ARB2A: variants seen among roughly 807,000 people sequenced by gnomAD.
ARB2A encodes ARB2 cotranscriptional regulator A.
At chr5:93,895,355 T>C in the ARB2A span, among the ~76,000 whole-genome samples, 1 of 152,310 alleles carries the variant, frequency 6.6e-6, no homozygotes, top group African/African-American at 2.4e-5. Context: ...GCAGTAAGCA[T>C]TTGAAAAGAA....
chr5:93,786,356 CTG>C, the ARB2A span, among the ~76,000 whole-genome samples: 2 of 152,198 alleles, frequency 1.3e-5, no homozygotes, highest in Non-Finnish European at 2.9e-5. Flanking sequence ...TATCTGTAGT[CTG>C]TCTTTCTGGC....
chr5:93,618,410 A>T, the ARB2A span: 1 of 152,130 alleles, frequency 6.6e-6, no homozygotes, highest in East Asian at 1.9e-4. Context: ...TAATTAAAAT[A>T]AAAAGGCCAC....
the ARB2A span, among the ~76,000 whole-genome samples, chr5:94,073,212 T>C: frequency 6.6e-6 from 1 of 152,116 alleles, no homozygotes; most frequent in Non-Finnish European, 1.5e-5. Context: ...TGCTAACTTG[T>C]TCTAAAATAT....
the ARB2A span, among the ~76,000 whole-genome samples, chr5:93,883,924 TACACACACACACACACACACACACACAC>T: frequency 7.5e-6 from 1 of 133,906 alleles, no homozygotes; most frequent in Non-Finnish European, 1.6e-5. Flanking sequence ...CACATACACA[TACACACACACACACACACACACACACAC>T]ACACACACAC....
chr5:93,993,901 C>T, the ARB2A span, among the ~76,000 whole-genome samples: 2 of 151,496 alleles, frequency 1.3e-5, no homozygotes, highest in Admixed American at 6.6e-5. Flanking sequence ...GGTATTTTTT[C>T]TTGTAAATAA....
chr5:93,972,907 C>T, the ARB2A span, among the ~76,000 whole-genome samples: 11 of 122,652 alleles, frequency 9.0e-5, no homozygotes, highest in Non-Finnish European at 1.7e-4. Flanking sequence ...GAGACCTTGT[C>T]TCTTAAAAAA....
At chr5:93,722,915 C>T in the ARB2A span, among the ~76,000 whole-genome samples, 3 of 152,096 alleles carry the variant, frequency 2.0e-5, no homozygotes, top group East Asian at 1.9e-4. Flanking sequence ...GTTCCTCTTA[C>T]AATACATGTT....
the ARB2A span, among the ~76,000 whole-genome samples, chr5:93,937,126 G>C: frequency 6.6e-6 from 1 of 151,712 alleles, no homozygotes; most frequent in East Asian, 1.9e-4. Context: ...GCCCGCCCCT[G>C]CCTCCCAAAG....
chr5:93,935,691 GCACA>G, the ARB2A span, among the ~76,000 whole-genome samples: 4 of 152,090 alleles, frequency 2.6e-5, no homozygotes, highest in Admixed American at 6.5e-5. Flanking sequence ...TCTTCATAAT[GCACA>G]CAAAGTACCA....
the ARB2A span, among the ~76,000 whole-genome samples, chr5:93,937,066 G>A: frequency 6.6e-6 from 1 of 151,310 alleles, no homozygotes; most frequent in Non-Finnish European, 1.5e-5. Context: ...GTAGAGGCAG[G>A]GTTTCACTGT....
chr5:93,845,283 A>G, the ARB2A span, among the ~76,000 whole-genome samples: 2 of 152,196 alleles, frequency 1.3e-5, no homozygotes, highest in Admixed American at 6.5e-5. Flanking sequence ...GTCATAATAA[A>G]CAACATGCTA....
chr5:93,766,045 C>G, the ARB2A span, among the ~76,000 whole-genome samples: 2 of 152,126 alleles, frequency 1.3e-5, no homozygotes, highest in East Asian at 3.9e-4. Context: ...ATTCAAGATG[C>G]ATTAAAGACT....
chr5:93,640,159 C>T, the ARB2A span, among the ~76,000 whole-genome samples: 1 of 150,046 alleles, frequency 6.7e-6, no homozygotes, highest in Admixed American at 6.7e-5. Flanking sequence ...AAATTGTTTG[C>T]AATTGGCCAG....
the ARB2A span, among the ~76,000 whole-genome samples, chr5:93,896,748 C>T: frequency 6.6e-6 from 1 of 151,834 alleles, no homozygotes; most frequent in Non-Finnish European, 1.5e-5. Flanking sequence ...AGTAAAATCC[C>T]AACTATTTTA....
At chr5:93,676,263 T>C in the ARB2A span, among the ~76,000 whole-genome samples, 1 of 152,330 alleles carries the variant, frequency 6.6e-6, no homozygotes, top group Non-Finnish European at 1.5e-5. Context: ...CACAGTGATG[T>C]CATTACAGCA....
At chr5:93,713,199 G>A in the ARB2A span, among the ~76,000 whole-genome samples, 1 of 152,088 alleles carries the variant, frequency 6.6e-6, no homozygotes, top group African/African-American at 2.4e-5. Context: ...AGCAAAAATG[G>A]ACAAATGGTG....
At chr5:93,655,443 A>C in the ARB2A span, among the ~76,000 whole-genome samples, 2 of 152,166 alleles carry the variant, frequency 1.3e-5, no homozygotes, top group South Asian at 4.1e-4. Flanking sequence ...TAACTCTGTC[A>C]CTAAGTATCT....
the ARB2A span, among the ~76,000 whole-genome samples, chr5:93,789,451 T>A: frequency 6.6e-6 from 1 of 152,208 alleles, no homozygotes; most frequent in Admixed American, 6.5e-5. Flanking sequence ...AAATTTCAGA[T>A]TAAGTTGTTT....
chr5:93,966,467 A>G, the ARB2A span, among the ~76,000 whole-genome samples: 1 of 152,118 alleles, frequency 6.6e-6, no homozygotes, highest in African/African-American at 2.4e-5. Flanking sequence ...AAACTCAAAA[A>G]TTGCTTATTT....
Sources: gnomAD v4.1 joint callset for allele counts (sites outside exome capture counted in the v4.1 genomes callset) on GRCh38, gnomAD v4.1.1 for gene constraint, MANE v1.5 for transcripts, NCBI Gene and HGNC (gene_info 2026-07-23, HGNC 2026-07-21) for gene names.